Variants in ABCA2 observed in about 807,000 individuals in gnomAD.
The protein encoded by ABCA2 is ATP-binding cassette sub-family A member 2.
A neutral mutation model predicts 262.8 loss-of-function variants in ABCA2; 84 were observed. The observed-to-expected ratio is 0.32, with a 90% CI of 0.27 to 0.38. ABCA2 has a LOEUF of 0.38. ABCA2 is among the 10% of genes least tolerant of loss of function. The probability of loss-of-function intolerance (pLI) is 1.00; values close to 1 mark genes in which losing one functional copy is unlikely to be tolerated. For missense variants in ABCA2, 2,662 were observed against 3,405.9 expected (o/e 0.78, Z 5.44); for synonymous variants, 1,696 against 1,502.9 (o/e 1.13, Z -2.97).
At position 137,010,264 on chromosome 9, in the gene ABCA2, C is replaced by T. The variant is rs750647470; in HGVS notation, c.6282G>A (p.Lys2094=). ...CGGTCAGCATCTTGAAGGTGCTGGT[C>T]TTGCCCGCACCGTTGACGCCCAGGA... ...FGLLGVNGAG[K]TSTFKMLTGD... Residue 2094 remains lysine (K), a synonymous_variant, in exon 41 of 49, where the codon AAG becomes AAA. Transcript: ENST00000341511. 6.2e-7 allele frequency: 1 copy of T among 1,600,254 alleles called. No individual in the cohort carries two copies. Among genetic ancestry groups the T allele is most frequent in the African/African-American group, 1.3e-5 (1 of 74,652 alleles).
rs1249943577 is a variant in ABCA2, at chr9:137,011,613, C to T, written c.5651+21G>A. Reference sequence around the variant, plus strand: ...AGCCCCGGTCCCACCTGAGGCCGCTCCCCCCTCCGCTTCCGCTTACCCATA... The same window carrying T: ...AGCCCCGGTCCCACCTGAGGCCGCTTCCCCCTCCGCTTCCGCTTACCCATA... On this transcript the variant is annotated intron_variant, in intron 36 of 48. Transcript: ENST00000341511. The surrounding 1 kb of genome is among the most constrained non-coding windows in gnomAD (Gnocchi z 8.8). 2.6e-6 allele frequency: 4 copies of T among 1,553,008 alleles called. No homozygotes were observed. The highest frequency in any genetic ancestry group is 3.9e-5 in the Admixed American group (2 of 51,228).
At position 137,015,946 on chromosome 9, in the gene ABCA2, C is replaced by A. The variant is rs563175775; in HGVS notation, c.3317+16G>T. 2 of 484,206 alleles carry A rather than the reference C, an allele frequency of 4.1e-6. No homozygotes were observed. The highest frequency in any genetic ancestry group is 7.9e-6 in the Non-Finnish European group (2 of 253,152). The allele number at this position is 484,206 out of a possible 1,614,324, so 30.0% of individuals were successfully genotyped here. A position where few individuals can be genotyped will look rare whatever the true frequency, so the allele number is the denominator to read the frequency against. On this transcript the variant is annotated intron_variant, in intron 22 of 48. Transcript: ENST00000341511. Reference sequence around the variant, plus strand: ...GCCTCCGCCCACCTGCCCCGCCCCCCGCCCAGCCCACCCACTTGTCCATCT... The same window carrying A: ...GCCTCCGCCCACCTGCCCCGCCCCCAGCCCAGCCCACCCACTTGTCCATCT...
rs768824047 is a variant in ABCA2 at position 137,014,699 on chromosome 9, T to C, written c.3994A>G (p.Ser1332Gly). ...GGTCCAGGCCCCTCACCGGCCTCAC[T>C]GTTCTCCAGCGACTGATCCTCCTCC... ...VSEEDQSLENSEADVKESRKD... is the reference protein window; with the variant it reads ...VSEEDQSLENGEADVKESRKD... The change falls in exon 26 of 49, where the codon AGT (serine) becomes GGT (glycine). Residue 1332 changes from serine (S) to glycine (G), a missense_variant. By Grantham distance (56) the Ser-to-Gly change is moderately conservative. Transcript: ENST00000341511. 6.2e-7 allele frequency: 1 copy of C among 1,606,678 alleles called. No homozygotes were observed. The highest frequency in any genetic ancestry group is 8.5e-7 in the Non-Finnish European group (1 of 1,177,826).
chr9:137,016,299 G>A lies in ABCA2; in HGVS notation c.3096C>T (p.Thr1032=), dbSNP rs768377408. ...SFLGHNGAGK[T]TTMSILTGLF... ...GCCCCTCCGACACTCACATGGTGGT[G>A]GTCTTGCCCGCCCCGTTGTGGCCCA... Residue 1032 remains threonine, a synonymous_variant, in exon 21 of 49, where the codon ACC becomes ACT. Coordinates refer to ENST00000341511, the MANE Select transcript of ABCA2 (RefSeq NM_001606.5). 1.2e-6 allele frequency: 2 copies of A among 1,612,684 alleles called. No homozygotes were observed. Among genetic ancestry groups the A allele is most frequent in the Non-Finnish European group, 1.7e-6 (2 of 1,179,916 alleles).
chr9:137,016,967 G>C lies in ABCA2; in HGVS notation c.2711C>G (p.Ala904Gly). The C allele has an allele frequency of 6.2e-7, 1 of 1,612,744 alleles. No homozygotes were observed. Among genetic ancestry groups the C allele is most frequent in the Non-Finnish European group, 8.5e-7 (1 of 1,179,990 alleles). ...LLAVTMLMVD[A>G]VVYGILTWYI... ...CCACGTGAGGATGCCATAGACCACG[G>C]CGTCCACCATCAGCATGGTGACAGC... The change falls in exon 19 of 49, where the codon GCC (alanine) becomes GGC (glycine). Residue 904 changes from alanine (A) to glycine (G), a missense_variant. This residue lies in a region of ABCA2 where 133 missense variants were observed against 150.8 expected (regional missense o/e 0.88). Coordinates refer to ENST00000341511, the MANE Select transcript of ABCA2 (RefSeq NM_001606.5).
chr9:137,016,282 G>A lies in ABCA2; in HGVS notation c.3104+9C>T, dbSNP rs377346745. On this transcript the variant is annotated intron_variant, in intron 21 of 48. Transcript: ENST00000341511. ...CAGATGCCCACCGCCCTGCCCCTCC[G>A]ACACTCACATGGTGGTGGTCTTGCC... The A allele has an allele frequency of 9.2e-5, 149 of 1,612,334 alleles. 1 individual carries two copies. The African/African-American group carries it at 1.6e-3, about 17-fold the overall frequency.
rs1179931602 is a variant in ABCA2 at position 137,012,143 on chromosome 9, G to A, written c.5319C>T (p.His1773=). The change falls in exon 34 of 49, where the codon CAC becomes CAT. Residue 1773 remains histidine (H), a synonymous_variant. Transcript: ENST00000341511. ...GGCTGGCGCTGGTCTTATTCATGGG[G>A]TGGTTGGTGACGGTGATGCCTGCAC... ...PAAYGITVTN[H]PMNKTSASLS... 6.2e-7 allele frequency: 1 copy of A among 1,612,474 alleles called. No homozygotes were observed. The highest frequency in any genetic ancestry group is 8.5e-7 in the Non-Finnish European group (1 of 1,179,878).
At chr9:137,010,589 C>CCCCGCCCCCCCCCAA in intron 40 of ABCA2, 31 bp downstream of exon 40, 1 of 1,235,730 alleles carries the variant, frequency 8.1e-7, no homozygotes, top group Non-Finnish European at 1.2e-6. Flanking sequence ...CCTACCCCAC[C>CCCCGCCCCCCCCCAA]CAGGCCCCAC....
At position 137,010,601 on chromosome 9, in the gene ABCA2, C is replaced by CCAA; in HGVS notation, c.6174+18_6174+19insTTG. On this transcript the variant is annotated intron_variant, in intron 40 of 48. Coordinates refer to ENST00000341511, the MANE Select transcript of ABCA2 (RefSeq NM_001606.5). The stretch of plus-strand genomic sequence containing the variant: ...TGGCCTACCCCACCCAGGCCCCACC[C>CCAA]TACATGCCCAGAGCCCACCTTGGTC... 6.3e-7 allele frequency: 1 copy of CCAA among 1,577,286 alleles called. No homozygotes were observed. The highest frequency in any genetic ancestry group is 8.7e-7 in the Non-Finnish European group (1 of 1,148,076).
At position 137,015,946 on chromosome 9, in the gene ABCA2, C is replaced by CAGGGGGGGGGGGGGGGGGGGGGG; in HGVS notation, c.3317+15_3317+16insCCCCCCCCCCCCCCCCCCCCCCT. The CAGGGGGGGGGGGGGGGGGGGGGG allele has an allele frequency of 6.2e-6, 3 of 484,322 alleles. No homozygotes were observed. Among genetic ancestry groups the CAGGGGGGGGGGGGGGGGGGGGGG allele is most frequent in the Non-Finnish European group, 1.2e-5 (3 of 253,144 alleles). The allele number at this position is 484,322 out of a possible 1,614,324, so 30.0% of individuals were successfully genotyped here. ...GCCTCCGCCCACCTGCCCCGCCCCC[C>CAGGGGGGGGGGGGGGGGGGGGGG]GCCCAGCCCACCCACTTGTCCATCT... On this transcript the variant is annotated intron_variant, in intron 22 of 48. Coordinates refer to ENST00000341511, the MANE Select transcript of ABCA2 (RefSeq NM_001606.5).
rs1220804423 is a variant in ABCA2 at position 137,011,817 on chromosome 9, G to A, written c.5535+27C>T. On this transcript the variant is annotated intron_variant, in intron 35 of 48. Transcript: ENST00000341511. The surrounding 1 kb of genome is among the most constrained non-coding windows in gnomAD (Gnocchi z 8.8). Reference sequence around the variant, plus strand: ...GGGGATGGGGGATGAGAAGGGCCGGGGCACCCCATGGCCACGCCGGGCGCA... The same window carrying A: ...GGGGATGGGGGATGAGAAGGGCCGGAGCACCCCATGGCCACGCCGGGCGCA... 9 of 1,559,092 alleles carry A rather than the reference G, an allele frequency of 5.8e-6. No individual in the cohort carries two copies. Among genetic ancestry groups the A allele is most frequent in the Non-Finnish European group, 7.8e-6 (9 of 1,152,590 alleles).
chr9:137,017,513 G>T lies in ABCA2; in HGVS notation c.2391C>A (p.Thr797=), dbSNP rs1831305115. ...WLFLAVYAVA[T]IMFCFLVSVL... ...TGGCCCGCGCTCACCAGAACATGAT[G>T]GTGGCCACCGCGTAGACTGCCAGGA... is the stretch of plus-strand genomic sequence containing the variant. The change falls in exon 17 of 49, where the codon ACC becomes ACA. Residue 797 remains threonine, a synonymous_variant. Transcript: ENST00000341511. 6.2e-7 allele frequency: 1 copy of T among 1,607,898 alleles called. No individual in the cohort carries two copies. The highest frequency in any genetic ancestry group is 1.7e-5 in the Admixed American group (1 of 59,922).
rs767362251 is a variant in ABCA2, at chr9:137,011,112, G to A, written c.5924-7C>T. The A allele has an allele frequency of 6.2e-7, 1 of 1,612,170 alleles. No individual in the cohort carries two copies. The highest frequency in any genetic ancestry group is 1.7e-5 in the Admixed American group (1 of 59,982). ...TTCATCTTGTCAAACTGGCCTGCGG[G>A]GAGACAGCTCAGGGCCTGTGCTCTG... On this transcript the variant is annotated splice_region_variant and splice_polypyrimidine_tract_variant and intron_variant, in intron 38 of 48. Coordinates refer to ENST00000341511, the MANE Select transcript of ABCA2 (RefSeq NM_001606.5). The surrounding 1 kb of genome is among the most constrained non-coding windows in gnomAD (Gnocchi z 8.8).
chr9:137,019,097 G>A lies in ABCA2; in HGVS notation c.1555-27C>T. 6.2e-7 allele frequency: 1 copy of A among 1,603,578 alleles called. No individual in the cohort carries two copies. Among genetic ancestry groups the A allele is most frequent in the East Asian group, 2.2e-5 (1 of 44,612 alleles). On this transcript the variant is annotated intron_variant, in intron 11 of 48. Coordinates refer to ENST00000341511, the MANE Select transcript of ABCA2 (RefSeq NM_001606.5). The surrounding 1 kb of genome is among the most constrained non-coding windows in gnomAD (Gnocchi z 4.4). Reference sequence around the variant, plus strand: ...TTGGGGTGGAGGGGCGGCTCAGAGGGGGACCTGCGCCTGCCGAGCCGGGCA... The same window carrying A: ...TTGGGGTGGAGGGGCGGCTCAGAGGAGGACCTGCGCCTGCCGAGCCGGGCA...
At position 137,012,917 on chromosome 9, in the gene ABCA2, T is replaced by A. The variant is rs1175231668; in HGVS notation, c.4876A>T (p.Thr1626Ser). 1 of 1,516,414 alleles carries A rather than the reference T, an allele frequency of 6.6e-7. No homozygotes were observed. Among genetic ancestry groups the A allele is most frequent in the African/African-American group, 1.4e-5 (1 of 72,672 alleles). The allele number at this position is 1,516,414 out of a possible 1,614,324, so 93.9% of individuals were successfully genotyped here. Reference sequence around the variant, plus strand: ...AGGCGCGGCAGGGAGGGTGCCGACGTCCACATTTCTGTGGGCACAGCATGG... The same window carrying A: ...AGGCGCGGCAGGGAGGGTGCCGACGACCACATTTCTGTGGGCACAGCATGG... ...LPPTAGPEMW[T>S]SAPSLPRLVR... The change falls in exon 31 of 49, where the codon ACG (threonine) becomes TCG (serine). Residue 1626 changes from threonine to serine, a missense_variant. Physicochemically the swap from Thr to Ser is moderately conservative, Grantham distance 58. This residue lies in a region of ABCA2 where 192 missense variants were observed against 207.2 expected (regional missense o/e 0.93). Transcript: ENST00000341511.
chr9:137,024,344 G>GCCCACCTTCCCT, intron 1 of ABCA2, 108 bp from the exon 2 acceptor site: 2 of 954,804 alleles, frequency 2.1e-6, no homozygotes, highest in Non-Finnish European at 1.5e-6. Flanking sequence ...GTGCTCCCTG[G>GCCCACCTTCCCT]GGCCAGGGAA....
rs1442281959 is a variant in ABCA2, at chr9:137,015,494, G to A, written c.3617C>T (p.Pro1206Leu). ...GCCATAGGTGCCCTTGAGGAAGAGC[G>A]GGGAGCCGCAGCACTTGAGCTTCCC... ...SHGKLKCCGS[P>L]LFLKGTYGDG... The change falls in exon 24 of 49, where the codon CCG (proline) becomes CTG (leucine). Residue 1206 changes from proline to leucine, a missense_variant. Pro to Leu is a moderately conservative substitution (Grantham distance 98). Transcript: ENST00000341511. The A allele has an allele frequency of 6.8e-6, 11 of 1,610,782 alleles. No homozygotes were observed. Among genetic ancestry groups the A allele is most frequent in the African/African-American group, 2.7e-5 (2 of 74,888 alleles).
chr9:137,023,097 G>C, intron 3 of ABCA2, 45 bp from the exon 4 acceptor site: 1 of 1,387,450 alleles, frequency 7.2e-7, no homozygotes. Flanking sequence ...TGAAAGGGGA[G>C]AGAGAGAGAG....
At position 137,020,937 on chromosome 9, in the gene ABCA2, G is replaced by A. The variant is rs750871140; in HGVS notation, c.1022C>T (p.Ser341Leu). Reference sequence around the variant, plus strand: ...CTGGGGCAGTAGCAGGGCCAGGGCCGACAGGACATCCACATCCTGCAGAAC... The same window carrying A: ...CTGGGGCAGTAGCAGGGCCAGGGCCAACAGGACATCCACATCCTGCAGAAC... ...QKVLQDVDVL[S>L]ALALLLPQGA... Residue 341 changes from serine to leucine, a missense_variant, in exon 9 of 49, where the codon TCG (serine) becomes TTG (leucine). Physicochemically the swap from Ser to Leu is moderately radical, Grantham distance 145 (BLOSUM62 -2). Coordinates refer to ENST00000341511, the MANE Select transcript of ABCA2 (RefSeq NM_001606.5). The A allele has an allele frequency of 7.7e-6, 12 of 1,565,400 alleles. No homozygotes were observed. Among genetic ancestry groups the A allele is most frequent in the African/African-American group, 5.4e-5 (4 of 74,166 alleles).
Sources: gnomAD v4.1 joint callset for allele counts on GRCh38, gnomAD v4.1.1 for gene constraint, gnomAD v4.1.1 regional missense constraint, Gnocchi (gnomAD v3.1) non-coding constraint, MANE v1.5 for transcripts, NCBI Gene and HGNC (gene_info 2026-07-23, HGNC 2026-07-21) for gene names.